DAB2IP: variants seen among roughly 807,000 people sequenced by gnomAD.
DAB2IP encodes DAB2 interacting protein.
DAB2IP carries 28 observed loss-of-function variants against 107.2 expected under a neutral mutation model. The ratio of observed to expected loss-of-function variants is 0.26; its 90% CI spans 0.19 to 0.36. The LOEUF (loss-of-function observed/expected upper bound fraction) is 0.36, where lower values mean the gene tolerates loss of function less well. Ranked by LOEUF, DAB2IP falls within the 10% of genes least tolerant of loss-of-function variation. The pLI, the probability that DAB2IP is intolerant of heterozygous loss-of-function variation, is 1.00. For synonymous variants in DAB2IP, 755 were observed against 706.4 expected (o/e 1.07, Z -1.09); for missense variants, 1,400 against 1,644.7 (o/e 0.85, Z 2.57).
intron 1 of DAB2IP, among the ~76,000 whole-genome samples, chr9:121,602,995 A>G (rs549893921): frequency 3.3e-5 from 5 of 152,210 alleles, no homozygotes; most frequent in Non-Finnish European, 5.9e-5. Context: ...GGCATGAGCC[A>G]CTGTACCCAG....
At chr9:121,773,469 C>T (rs771164348) in exon 12 of DAB2IP, 1 of 1,519,926 alleles carries the variant, frequency 6.6e-7, no homozygotes, top group Non-Finnish European at 8.8e-7. Flanking sequence ...CAGCCCAGAA[C>T]TGAAGCCACG....
chr9:121,752,525 A>G (rs1028227858), intron 3 of DAB2IP, among the ~76,000 whole-genome samples: 1 of 152,220 alleles, frequency 6.6e-6, no homozygotes, highest in Non-Finnish European at 1.5e-5. Flanking sequence ...CAGGGAGCCC[A>G]GGAAGGCTTC....
intron 1 of DAB2IP, among the ~76,000 whole-genome samples, chr9:121,582,746 C>T (rs1001525302): frequency 6.6e-6 from 1 of 152,230 alleles, no homozygotes; most frequent in Non-Finnish European, 1.5e-5. Flanking sequence ...CTCTTCTGAG[C>T]CGGAAACACC....
At chr9:121,754,768 G>C (rs1833360226) in intron 3 of DAB2IP, among the ~76,000 whole-genome samples, 1 of 152,198 alleles carries the variant, frequency 6.6e-6, no homozygotes, top group South Asian at 2.1e-4. Flanking sequence ...TGCAGGACCA[G>C]GGTCTCCTTG....
At chr9:121,583,377 T>G (rs1355591060) in intron 1 of DAB2IP, among the ~76,000 whole-genome samples, 1 of 151,610 alleles carries the variant, frequency 6.6e-6, no homozygotes, top group African/African-American at 2.4e-5. Flanking sequence ...GGCAACTGAG[T>G]GAGACTCTGT....
In DAB2IP at chr9:121,776,297, G is replaced by T; in HGVS notation, c.3220G>T (p.Val1074Leu). Residue 1074 changes from valine to leucine, a missense_variant, in exon 14 of 16, where the codon GTG becomes TTG. By Grantham distance (32) the Val-to-Leu change is conservative. Around this residue, in one of 3 missense-constraint regions of DAB2IP, gnomAD observed 600 missense variants for 659.1 expected, o/e 0.91. Transcript: ENST00000408936. This position sits in a 1 kb window ranked among gnomAD's most constrained non-coding sequence, Gnocchi z 5.4. ...CCAGGAGGAGACGACGCAGAAGCTGGTGCTGGAGTACCAGGCACGGCTGGA... is the reference window on the plus strand; with the variant it reads ...CCAGGAGGAGACGACGCAGAAGCTGTTGCTGGAGTACCAGGCACGGCTGGA... The T allele has an allele frequency of 6.3e-7, 1 of 1,575,662 alleles. No homozygotes were observed. The highest frequency in any genetic ancestry group is 8.6e-7 in the Non-Finnish European group (1 of 1,160,588).
intron 1 of DAB2IP, among the ~76,000 whole-genome samples, chr9:121,621,563 G>A (rs1831463236): frequency 6.6e-6 from 1 of 151,968 alleles, no homozygotes; most frequent in Non-Finnish European, 1.5e-5. Context: ...GCCTGCAAGG[G>A]ATGTAAGTCC....
intron 8 of DAB2IP, among the ~76,000 whole-genome samples, chr9:121,764,577 A>G (rs1454846483): frequency 6.6e-6 from 1 of 152,130 alleles, no homozygotes; most frequent in Non-Finnish European, 1.5e-5. Flanking sequence ...GGCACACAGG[A>G]CTGTGCGGGA....
At chr9:121,774,740 G>A (rs1002469071) in intron 13 of DAB2IP, among the ~76,000 whole-genome samples, 2 of 152,190 alleles carry the variant, frequency 1.3e-5, no homozygotes, top group East Asian at 1.9e-4. Flanking sequence ...GAGGACCTGG[G>A]GGTTGAGGGC....
chr9:121,738,582 T>G (rs1832097824), intron 3 of DAB2IP, among the ~76,000 whole-genome samples: 1 of 152,186 alleles, frequency 6.6e-6, no homozygotes, highest in African/African-American at 2.4e-5. Context: ...AGGCCTGCAG[T>G]CATCCACCTG....
At chr9:121,639,659 A>T (rs1260354249) in intron 1 of DAB2IP, among the ~76,000 whole-genome samples, 1 of 152,134 alleles carries the variant, frequency 6.6e-6, no homozygotes, top group Non-Finnish European at 1.5e-5. Flanking sequence ...TTTGGGCCTC[A>T]GTTTGCCCAT....
intron 3 of DAB2IP, among the ~76,000 whole-genome samples, chr9:121,733,270 G>A (rs1263615742): frequency 6.6e-6 from 1 of 152,202 alleles, no homozygotes; most frequent in South Asian, 2.1e-4. Context: ...AGCCTCTGTC[G>A]TCTGCTCAGT....
intron 13 of DAB2IP, among the ~76,000 whole-genome samples, chr9:121,775,194 T>C (rs1178027612): frequency 2.0e-5 from 3 of 151,942 alleles, no homozygotes; most frequent in Admixed American, 6.5e-5. Context: ...GGCAGGCGCT[T>C]CTCCACTCCC....
At chr9:121,680,453 T>G (rs936478329) in intron 2 of DAB2IP, among the ~76,000 whole-genome samples, 3 of 152,152 alleles carry the variant, frequency 2.0e-5, no homozygotes, top group Non-Finnish European at 4.4e-5. Flanking sequence ...GCTGAGACGA[T>G]TCAGGGTCAT....
Position 121,736,455 on chromosome 9 carries a change from T to C in DAB2IP, c.363-20558T>C, listed in dbSNP as rs1269767839. On this transcript the variant is annotated intron_variant, in intron 3 of 15. Transcript: ENST00000408936. This position sits in a 1 kb window ranked among gnomAD's most constrained non-coding sequence, Gnocchi z 4.6. ...GTGCCGAAGCGCAGCGGCGGGTCGC[T>C]AGCGGGAAGTGGCTGCAGCTGGAGG... Among the ~76,000 whole-genome samples the C allele has an allele frequency of 1.3e-5, 2 of 151,514 alleles. No homozygotes were observed. Among genetic ancestry groups the C allele is most frequent in the Non-Finnish European group, 2.9e-5 (2 of 67,954 alleles).
exon 12 of DAB2IP, chr9:121,773,354 C>G (rs570089079): frequency 1.3e-6 from 2 of 1,589,116 alleles, no homozygotes; most frequent in African/African-American, 2.7e-5. Context: ...TGCTGAGCAC[C>G]CTGCAGTACC....
In DAB2IP at chr9:121,720,415, C is replaced by G. The variant is rs115755927; in HGVS notation, c.362+20957C>G. ...CTGTGCCAGGCCCTGGAATAATTAA[C>G]TTCGGCATGGCACTTTATGATTCAC... On this transcript the variant is annotated intron_variant, in intron 3 of 15. Transcript: ENST00000408936. Among the ~76,000 whole-genome samples the G allele has an allele frequency of 8.6e-3, 1,311 of 152,314 alleles. 15 individuals carry two copies. The highest frequency in any genetic ancestry group is 0.028 in the African/African-American group (1,175 of 41,558).
exon 16 of DAB2IP, chr9:121,783,381 G>GCA: frequency 6.5e-7 from 1 of 1,538,026 alleles, no homozygotes; most frequent in Non-Finnish European, 8.7e-7. Flanking sequence ...CTGGGGCCCA[G>GCA]CACACCCAGG....
In DAB2IP at chr9:121,747,378, C is replaced by T. The variant is rs556052346; in HGVS notation, c.363-9635C>T. Among the ~76,000 whole-genome samples, 74 of 147,642 alleles carry T rather than the reference C, an allele frequency of 5.0e-4. No homozygotes were observed. In the South Asian group the frequency reaches 0.011, roughly 22 times the overall value. On this transcript the variant is annotated intron_variant, in intron 3 of 15. Transcript: ENST00000408936. The stretch of plus-strand genomic sequence containing the variant: ...TTTTTTTTCCCCTGAGACAGAGTCT[C>T]GCTCTGTCGCCCAGGCTGGAGTGCA...
Sources: gnomAD v4.1 joint callset for allele counts (sites outside exome capture counted in the v4.1 genomes callset) on GRCh38, gnomAD v4.1.1 for gene constraint, gnomAD v4.1.1 regional missense constraint, Gnocchi (gnomAD v3.1) non-coding constraint, MANE v1.5 for transcripts, NCBI Gene and HGNC (gene_info 2026-07-23, HGNC 2026-07-21) for gene names.